The following PTPRN2 variants were observed in gnomAD, a reference collection of about 807,000 sequenced individuals.
PTPRN2 encodes receptor-type tyrosine-protein phosphatase N2.
PTPRN2 carries 74 observed loss-of-function variants against 118.8 expected under a neutral mutation model. That is an observed-to-expected ratio of 0.62 (90% CI 0.52 to 0.76). The LOEUF (loss-of-function observed/expected upper bound fraction) is 0.76, where lower values mean the gene tolerates loss of function less well. Ranked by LOEUF, PTPRN2 falls within the 30% of genes least tolerant of loss-of-function variation. The probability of loss-of-function intolerance (pLI) is 0.00; values close to 1 mark genes in which losing one functional copy is unlikely to be tolerated. For missense variants in PTPRN2, 1,481 were observed against 1,394.4 expected, an observed-to-expected ratio of 1.06 and a Z score of -0.99; for synonymous variants, 641 against 608.0, an observed-to-expected ratio of 1.05 and a Z score of -0.80.
intron 3 of PTPRN2, among the ~76,000 whole-genome samples, chr7:158,217,128 T>C (rs1429712954): frequency 6.6e-6 from 1 of 152,186 alleles, no homozygotes; most frequent in Non-Finnish European, 1.5e-5. Context: ...TGGAGCACTT[T>C]TGCCAGTGGC....
At chr7:158,460,236 C>T (rs1467165746) in intron 2 of PTPRN2, among the ~76,000 whole-genome samples, 1 of 135,500 alleles carries the variant, frequency 7.4e-6, no homozygotes, top group Non-Finnish European at 1.6e-5. Context: ...GTTCCTGCTA[C>T]AGTGCCTGTG....
At chr7:158,508,319 C>G (rs890837997) in intron 1 of PTPRN2, among the ~76,000 whole-genome samples, 4 of 152,182 alleles carry the variant, frequency 2.6e-5, no homozygotes, top group Admixed American at 1.3e-4. Flanking sequence ...TCAGCGGGGG[C>G]TTCCACAGGC....
At chr7:157,551,768 T>TGCACCCCACAGCCAGCAC (rs1798633422) in intron 21 of PTPRN2, among the ~76,000 whole-genome samples, 1 of 14,476 alleles carries the variant, frequency 6.9e-5, no homozygotes, top group Non-Finnish European at 1.6e-4. Flanking sequence ...ACAGCCACCA[T>TGCACCCCACAGCCAGCAC]GCACCCCACA....
chr7:158,326,603 C>G (rs1233563381), intron 2 of PTPRN2, among the ~76,000 whole-genome samples: 1 of 151,142 alleles, frequency 6.6e-6, no homozygotes, highest in Non-Finnish European at 1.5e-5. Context: ...CTCACAGGCA[C>G]ACGTTCTCAC....
intron 3 of PTPRN2, among the ~76,000 whole-genome samples, chr7:158,311,650 C>T (rs990865817): frequency 4.6e-5 from 7 of 152,338 alleles, no homozygotes; most frequent in African/African-American, 1.4e-4. Context: ...CTGAAGGCCG[C>T]GCAAGCAGCT....
intron 16 of PTPRN2, among the ~76,000 whole-genome samples, chr7:157,599,834 T>TACCTGCCCACCTCTCC (rs1419637589): frequency 6.8e-6 from 1 of 146,982 alleles, no homozygotes; most frequent in Non-Finnish European, 1.5e-5. Flanking sequence ...TAGGTATTTC[T>TACCTGCCCACCTCTCC]ACCTGCCCAC....
chr7:157,661,475 G>T (rs1488127500), intron 13 of PTPRN2, among the ~76,000 whole-genome samples: 2 of 138,932 alleles, frequency 1.4e-5, no homozygotes, highest in Non-Finnish European at 3.3e-5. Context: ...GGGAACGGGG[G>T]CGGGTGCTCT....
rs560186419 is a variant in PTPRN2, at chr7:158,022,452, G to A, written c.1723+58846C>T. On this transcript the variant is annotated intron_variant, in intron 11 of 22. Transcript: ENST00000389418. This position sits in a 1 kb window ranked among gnomAD's most constrained non-coding sequence, Gnocchi z 4.6. Reference sequence around the variant, plus strand: ...ATGATGTGTTCACAGCCAAGGCCCCGGCACCTGGGCACTCTGGGGCAGCCC... The same window carrying A: ...ATGATGTGTTCACAGCCAAGGCCCCAGCACCTGGGCACTCTGGGGCAGCCC... Among the ~76,000 whole-genome samples the A allele has an allele frequency of 1.3e-5, 2 of 152,178 alleles. No individual in the cohort carries two copies. Among genetic ancestry groups the A allele is most frequent in the African/African-American group, 2.4e-5 (1 of 41,448 alleles).
At chr7:158,459,336 G>A (rs1818780703) in intron 2 of PTPRN2, among the ~76,000 whole-genome samples, 1 of 131,520 alleles carries the variant, frequency 7.6e-6, no homozygotes, top group African/African-American at 2.7e-5. Flanking sequence ...CACCCGCCTG[G>A]GACGAACAGG....
chr7:158,502,738 C>T (rs1158210868), intron 1 of PTPRN2, among the ~76,000 whole-genome samples: 4 of 152,260 alleles, frequency 2.6e-5, no homozygotes, highest in African/African-American at 4.8e-5. Flanking sequence ...CAAATTCACG[C>T]TGAGCCACTT....
chr7:158,578,920 A>G (rs936831644), intron 1 of PTPRN2, among the ~76,000 whole-genome samples: 1 of 152,024 alleles, frequency 6.6e-6, no homozygotes, highest in African/African-American at 2.4e-5. Flanking sequence ...CTGCCACTAC[A>G]ACCAGCTAAT....
Position 157,596,522 on chromosome 7 carries a change from G to A in PTPRN2, c.2419-1207C>T, listed in dbSNP as rs552757149. Among the ~76,000 whole-genome samples, 166 of 152,348 alleles carry A rather than the reference G, an allele frequency of 1.1e-3. No homozygotes were observed. Among genetic ancestry groups the A allele is most frequent in the African/African-American group, 3.9e-3 (162 of 41,576 alleles). On this transcript the variant is annotated intron_variant, in intron 16 of 22. Transcript: ENST00000389418. This position sits in a 1 kb window ranked among gnomAD's most constrained non-coding sequence, Gnocchi z 4.2. ...GAACTTGAGGACAAAGCCTTGAGAGGCAAGCGAGATTTGAGCACATTGCTG... is the reference window on the plus strand; with the variant it reads ...GAACTTGAGGACAAAGCCTTGAGAGACAAGCGAGATTTGAGCACATTGCTG...
intron 9 of PTPRN2, among the ~76,000 whole-genome samples, chr7:158,124,922 C>T (rs546548662): frequency 5.9e-5 from 9 of 152,196 alleles, no homozygotes; most frequent in East Asian, 1.9e-4. Context: ...AAGAAAGAGC[C>T]GTGATGCTGG....
rs1220790433 is a variant in PTPRN2 at position 157,874,607 on chromosome 7, G to A, written c.1788+24066C>T. ...CCTACTCGCTCCACAGACAGCTCCC[G>A]GGGTCCGGGGAGAAGCGGAGGGGGG... is the stretch of plus-strand genomic sequence containing the variant. On this transcript the variant is annotated intron_variant, in intron 12 of 22. Coordinates refer to ENST00000389418, the MANE Select transcript of PTPRN2 (RefSeq NM_002847.5). This position sits in a 1 kb window ranked among gnomAD's most constrained non-coding sequence, Gnocchi z 5.8. Among the ~76,000 whole-genome samples, 2 of 152,202 alleles carry A rather than the reference G, an allele frequency of 1.3e-5. No individual in the cohort carries two copies. Among genetic ancestry groups the A allele is most frequent in the Non-Finnish European group, 2.9e-5 (2 of 68,042 alleles).
intron 2 of PTPRN2, among the ~76,000 whole-genome samples, chr7:158,424,152 G>A (rs990854952): frequency 5.3e-5 from 8 of 152,168 alleles, no homozygotes; most frequent in African/African-American, 1.9e-4. Context: ...AGTGCTCTGT[G>A]ACGTACACAA....
At chr7:158,469,042 CAACACTATGCACACCCACACACACTCCT>C in intron 2 of PTPRN2, among the ~76,000 whole-genome samples, 2 of 151,140 alleles carry the variant, frequency 1.3e-5, no homozygotes. Flanking sequence ...CCGGGTGGAT[CAACACTATGCACACCCACACACACTCCT>C]GGTGGATCAA....
intron 6 of PTPRN2, among the ~76,000 whole-genome samples, chr7:158,154,208 G>T (rs1320170709): frequency 6.6e-6 from 1 of 152,178 alleles, no homozygotes; most frequent in East Asian, 1.9e-4. Context: ...AGAGACAGGT[G>T]TTCTCCGGAG....
intron 2 of PTPRN2, among the ~76,000 whole-genome samples, chr7:158,448,671 A>G (rs1229660997): frequency 6.6e-6 from 1 of 152,186 alleles, no homozygotes; most frequent in Non-Finnish European, 1.5e-5. Flanking sequence ...TCAGAGCTGA[A>G]CTGACAAGTG....
At chr7:157,750,486 AGAG>A (rs1801397646) in intron 12 of PTPRN2, among the ~76,000 whole-genome samples, 3 of 152,208 alleles carry the variant, frequency 2.0e-5, no homozygotes, top group African/African-American at 7.2e-5. Flanking sequence ...CGCACCTATG[AGAG>A]GCAGGAAGTG....
Sources: gnomAD v4.1 joint callset for allele counts (sites outside exome capture counted in the v4.1 genomes callset) on GRCh38, gnomAD v4.1.1 for gene constraint, Gnocchi (gnomAD v3.1) non-coding constraint, MANE v1.5 for transcripts, NCBI Gene and HGNC (gene_info 2026-07-23, HGNC 2026-07-21) for gene names.